Variants in PNPLA7 observed in about 807,000 individuals in gnomAD.
The protein encoded by PNPLA7 is patatin like domain 7, lysophospholipase, also known as patatin-like phospholipase domain-containing protein 7.
PNPLA7 carries 153 observed loss-of-function variants against 161.7 expected under a neutral mutation model. The ratio of observed to expected loss-of-function variants is 0.95; its 90% CI spans 0.83 to 1.08. PNPLA7 has a LOEUF of 1.08. Among genes scored for constraint, PNPLA7 ranks in the 50% least tolerant of loss-of-function variants. The pLI is 0.00. For synonymous variants in PNPLA7, 809 were observed against 782.1 expected, an observed-to-expected ratio of 1.03 and a Z score of -0.57; for missense variants, 1,739 against 1,856.6, an observed-to-expected ratio of 0.94 and a Z score of 1.16.
Position 137,540,333 on chromosome 9 carries a change from C to T in PNPLA7, c.747+309G>A, listed in dbSNP as rs537772424. ...CCTTGGGCCTGAGGAGAGGAGAAAA[C>T]GCCTTCCCTCTACAACACTTTGTGC... On this transcript the variant is annotated intron_variant, in intron 8 of 34. Transcript: ENST00000406427. This position sits in a 1 kb window ranked among gnomAD's most constrained non-coding sequence, Gnocchi z 5.1. 2.0e-5 allele frequency among the ~76,000 whole-genome samples: 3 copies of T among 152,320 alleles called. No individual in the cohort carries two copies. The highest frequency in any genetic ancestry group is 2.1e-4 in the South Asian group (1 of 4,830).
At chr9:137,495,268 C>G (rs1488396119) in intron 18 of PNPLA7, 122 bp from the exon 19 acceptor site, 4 of 652,780 alleles carry the variant, frequency 6.1e-6, no homozygotes, top group Non-Finnish European at 7.8e-6. Flanking sequence ...CACCGCAAGG[C>G]GGAGGCAGTC....
rs536380337 is a variant in PNPLA7, at chr9:137,500,634, G to C, written c.1757+57C>G. The stretch of plus-strand genomic sequence containing the variant: ...GGAAGAGGCCGGCCACGCGGGGAGG[G>C]GTCTCAGGGCAGGGGGGGCTGGGGC... On this transcript the variant is annotated intron_variant, in intron 16 of 34. Coordinates refer to ENST00000406427, the MANE Select transcript of PNPLA7 (RefSeq NM_001098537.3). This position sits in a 1 kb window ranked among gnomAD's most constrained non-coding sequence, Gnocchi z 5.5. 4.4e-5 allele frequency: 68 copies of C among 1,537,130 alleles called. No homozygotes were observed. The highest frequency in any genetic ancestry group is 3.6e-4 in the Admixed American group (20 of 55,888).
At chr9:137,514,451 T>C (rs1349215812) in intron 12 of PNPLA7, among the ~76,000 whole-genome samples, 8 of 96,488 alleles carry the variant, frequency 8.3e-5, no homozygotes, top group South Asian at 3.9e-4. Flanking sequence ...GGGCTGTGGG[T>C]GGGTCACCTG....
At chr9:137,515,273 G>T in intron 12 of PNPLA7, 106 bp downstream of exon 12, 1 of 1,430,106 alleles carries the variant, frequency 7.0e-7, no homozygotes, top group Non-Finnish European at 9.4e-7. Context: ...CTAGTGGAGG[G>T]TGCCCGCCTC....
intron 12 of PNPLA7, among the ~76,000 whole-genome samples, chr9:137,511,411 A>C (rs1473176309): frequency 6.8e-6 from 1 of 147,124 alleles, no homozygotes; most frequent in African/African-American, 2.5e-5. Flanking sequence ...GGTACCCGTT[A>C]CTCAGCAGAC....
At chr9:137,522,933 C>T (rs1373869617) in intron 8 of PNPLA7, 76 bp from the exon 9 acceptor site, 4 of 1,581,956 alleles carry the variant, frequency 2.5e-6, no homozygotes, top group Non-Finnish European at 3.4e-6. Flanking sequence ...CTCCTGGAAG[C>T]CCTGGAGGAG....
intron 25 of PNPLA7, among the ~76,000 whole-genome samples, chr9:137,477,306 AAAGTCCCTG>A: frequency 6.6e-6 from 1 of 152,330 alleles, no homozygotes; most frequent in South Asian, 2.1e-4. Flanking sequence ...ATCTGGGTTT[AAAGTCCCTG>A]AAGGACTCAG....
rs1396278431 is a variant in PNPLA7, at chr9:137,467,553, A to G, written c.2883-80T>C. 3 of 1,524,878 alleles carry G rather than the reference A, an allele frequency of 2.0e-6. No homozygotes were observed. The East Asian group carries it at 6.9e-5, about 35-fold the overall frequency. 94.5% of individuals were successfully genotyped at this position (1,524,878 alleles called of 1,614,324 possible). ...CTGCAGAGGCCTTGTGCTCATCCTC[A>G]GTTCCCAACTCCTCCACAGGCAGAG... On this transcript the variant is annotated intron_variant, in intron 25 of 34. Coordinates refer to ENST00000406427, the MANE Select transcript of PNPLA7 (RefSeq NM_001098537.3). The surrounding 1 kb of genome is among the most constrained non-coding windows in gnomAD (Gnocchi z 5.1).
chr9:137,497,170 C>T lies in PNPLA7; in HGVS notation c.2013+17G>A. The T allele has an allele frequency of 1.3e-6, 2 of 1,537,674 alleles. No homozygotes were observed. Among genetic ancestry groups the T allele is most frequent in the Non-Finnish European group, 1.8e-6 (2 of 1,142,490 alleles). On this transcript the variant is annotated intron_variant, in intron 18 of 34. Transcript: ENST00000406427. ...GATGCAGAGGTGGGGGAGGCAGGAG[C>T]AGGGCCCAGCACCTACCACGCCGAC...
chr9:137,531,838 G>GT (rs1177755614), intron 8 of PNPLA7, among the ~76,000 whole-genome samples: 2 of 152,160 alleles, frequency 1.3e-5, no homozygotes, highest in African/African-American at 4.8e-5. Context: ...TGGGTAATGT[G>GT]AACAGAGCCG....
intron 30 of PNPLA7, 125 bp downstream of exon 30, chr9:137,462,560 A>G: frequency 7.0e-7 from 1 of 1,427,908 alleles, no homozygotes; most frequent in Admixed American, 2.4e-5. Flanking sequence ...AGGGGTGGTG[A>G]GGGGTGGCCC....
rs776294909 is a variant in PNPLA7, at chr9:137,461,538, T to A, written c.3839A>T (p.Asp1280Val). Residue 1280 changes from aspartate (D) to valine (V), a missense_variant and splice_region_variant, in exon 33 of 35, where the codon GAT (aspartate) becomes GTT (valine). Coordinates refer to ENST00000406427, the MANE Select transcript of PNPLA7 (RefSeq NM_001098537.3). ...RIEPAKPAMV[D>V]DESDYQTEYE... ...CTTCGTCTTGCGCCTCCACTCACCA[T>A]CCACCATGGCGGGCTTGGCGGGCTC... The A allele has an allele frequency of 9.9e-6, 16 of 1,611,970 alleles. No homozygotes were observed. The African/African-American group carries it at 1.9e-4, about 19-fold the overall frequency.
rs774719500 is a variant in PNPLA7, at chr9:137,467,487, GGA to G, written c.2883-16_2883-15del. The G allele has an allele frequency of 2.2e-5, 35 of 1,611,904 alleles. No homozygotes were observed. The highest frequency in any genetic ancestry group is 3.0e-5 in the Non-Finnish European group (35 of 1,179,590). The stretch of plus-strand genomic sequence containing the variant: ...TGGGCACAGCCTCTACACCAGCCAG[GGA>G]CACAGAGCAAGGAGTGAGTACCAGG... On this transcript the variant is annotated splice_polypyrimidine_tract_variant and intron_variant, in intron 25 of 34. Transcript: ENST00000406427. The surrounding 1 kb of genome is among the most constrained non-coding windows in gnomAD (Gnocchi z 5.1).
rs374113686 is a variant in PNPLA7 at position 137,540,749 on chromosome 9, C to T, written c.667-27G>A. ...TGCGCTTGGAGAGCAGAGTGGGTGC[C>T]GTCAGGTCTGGGGCTGCGACCGCGG... On this transcript the variant is annotated intron_variant, in intron 7 of 34. Transcript: ENST00000406427. The surrounding 1 kb of genome is among the most constrained non-coding windows in gnomAD (Gnocchi z 5.1). 23 of 1,596,858 alleles carry T rather than the reference C, an allele frequency of 1.4e-5. No individual in the cohort carries two copies. The highest frequency in any genetic ancestry group is 9.4e-5 in the African/African-American group (7 of 74,554).
chr9:137,502,319 G>T (rs1349423613), intron 14 of PNPLA7, among the ~76,000 whole-genome samples: 1 of 152,118 alleles, frequency 6.6e-6, no homozygotes. Flanking sequence ...AGTCCACAGT[G>T]ATGATGAAAT....
rs559189332 is a variant in PNPLA7 at position 137,491,161 on chromosome 9, A to AGG, written c.2197+1850_2197+1851dup. On this transcript the variant is annotated intron_variant, in intron 20 of 34. Transcript: ENST00000406427. Reference sequence around the variant, plus strand: ...GTAGTCCCAGCTACTCAGGAGGCTGAGGGGGGGGGAATCACTTGACCCCAG... The same window carrying AGG: ...GTAGTCCCAGCTACTCAGGAGGCTGAGGGGGGGGGGGAATCACTTGACCCCAG... 2.0e-5 allele frequency among the ~76,000 whole-genome samples: 3 copies of AGG among 150,480 alleles called. No homozygotes were observed. In the South Asian group the frequency reaches 6.3e-4, roughly 32 times the overall value.
intron 22 of PNPLA7, chr9:137,480,695 G>C (rs939730175): frequency 2.3e-5 from 17 of 729,326 alleles, no homozygotes; most frequent in Admixed American, 8.8e-5. Flanking sequence ...GAGGCTCGTT[G>C]AGGGGCAGGC....
chr9:137,497,939 C>T (rs1588605819), intron 17 of PNPLA7, among the ~76,000 whole-genome samples, 175 bp downstream of exon 17: 1 of 152,228 alleles, frequency 6.6e-6, no homozygotes, highest in African/African-American at 2.4e-5. Flanking sequence ...TCCAGGAGGC[C>T]ACGAAGTGTG....
At chr9:137,509,295 A>T (rs546840419) in intron 12 of PNPLA7, 5 of 159,058 alleles carry the variant, frequency 3.1e-5, no homozygotes, top group Non-Finnish European at 5.6e-5. Context: ...AGCTGGTACA[A>T]GTGAGTTTAG....
Sources: gnomAD v4.1 joint callset for allele counts (sites outside exome capture counted in the v4.1 genomes callset) on GRCh38, gnomAD v4.1.1 for gene constraint, Gnocchi (gnomAD v3.1) non-coding constraint, MANE v1.5 for transcripts, NCBI Gene and HGNC (gene_info 2026-07-23, HGNC 2026-07-21) for gene names.